Variants in COL22A1 observed in about 807,000 individuals in gnomAD.
COL22A1 encodes the protein collagen alpha-1(XXII) chain.
In COL22A1, 221 loss-of-function variants were observed where a neutral mutation model predicts 248.9. The ratio of observed to expected loss-of-function variants is 0.89; its 90% CI spans 0.80 to 0.99. The LOEUF is 0.99. COL22A1 is among the 50% of genes least tolerant of loss of function. The pLI is 0.00. For synonymous variants in COL22A1, 891 were observed against 793.4 expected, an observed-to-expected ratio of 1.12 and a Z score of -2.07; for missense variants, 2,240 against 2,179.0, an observed-to-expected ratio of 1.03 and a Z score of -0.56.
At chr8:138,737,934 G>C (rs1831248852) in intron 22 of COL22A1, among the ~76,000 whole-genome samples, 1 of 152,000 alleles carries the variant, frequency 6.6e-6, no homozygotes, top group African/African-American at 2.4e-5. Context: ...CTAGATGCTG[G>C]TTAATTTTCC....
At chr8:138,733,900 C>T (rs1830897230) in intron 23 of COL22A1, among the ~76,000 whole-genome samples, 3 of 152,152 alleles carry the variant, frequency 2.0e-5, no homozygotes, top group Admixed American at 2.0e-4. Flanking sequence ...TTCAATCAGG[C>T]CCCTGTGGTG....
intron 47 of COL22A1, among the ~76,000 whole-genome samples, chr8:138,638,317 T>C (rs1255781291): frequency 6.6e-6 from 1 of 152,238 alleles, no homozygotes; most frequent in Non-Finnish European, 1.5e-5. Context: ...ATCTTTGTTG[T>C]GGTTCTATGC....
intron 27 of COL22A1, 29 bp downstream of exon 27, chr8:138,720,710 A>G: frequency 1.3e-6 from 2 of 1,589,840 alleles, no homozygotes; most frequent in South Asian, 2.2e-5. Context: ...AATAGCAAGC[A>G]TAATGGGAAA....
chr8:138,607,715 C>T (rs1459955680), intron 57 of COL22A1, among the ~76,000 whole-genome samples: 2 of 152,124 alleles, frequency 1.3e-5, no homozygotes, highest in African/African-American at 4.8e-5. Flanking sequence ...ACCATAGATG[C>T]CTACGGTTAT....
At chr8:138,811,260 CAT>C (rs772821836) in intron 9 of COL22A1, among the ~76,000 whole-genome samples, 5 of 146,998 alleles carry the variant, frequency 3.4e-5, no homozygotes, top group African/African-American at 1.0e-4. Context: ...CAAAACTCTA[CAT>C]ATATATATAT....
intron 6 of COL22A1, among the ~76,000 whole-genome samples, chr8:138,823,417 CTTTT>C (rs1029894939): frequency 6.6e-6 from 1 of 152,028 alleles, no homozygotes; most frequent in Admixed American, 6.6e-5. Flanking sequence ...GATTTATTGG[CTTTT>C]TTCTTTTTTC....
chr8:138,775,889 C>G, intron 16 of COL22A1, 77 bp downstream of exon 16: 1 of 1,348,920 alleles, frequency 7.4e-7, no homozygotes, highest in Non-Finnish European at 1.1e-6. Flanking sequence ...CGAGCATACA[C>G]AGAGCAGATG....
At chr8:138,612,546 G>A (rs559353338) in intron 56 of COL22A1, among the ~76,000 whole-genome samples, 7 of 152,176 alleles carry the variant, frequency 4.6e-5, no homozygotes, top group African/African-American at 1.7e-4. Context: ...TTGGGAAATT[G>A]GATCATTGTA....
intron 52 of COL22A1, among the ~76,000 whole-genome samples, chr8:138,623,193 A>G (rs1395895568): frequency 1.3e-5 from 2 of 151,450 alleles, no homozygotes; most frequent in Non-Finnish European, 2.9e-5. Flanking sequence ...AACCAAAACC[A>G]AAATGAGAAA....
intron 23 of COL22A1, among the ~76,000 whole-genome samples, chr8:138,731,133 C>T (rs1031261828): frequency 2.0e-5 from 3 of 152,028 alleles, no homozygotes; most frequent in Non-Finnish European, 4.4e-5. Context: ...GAAACCCCAT[C>T]TCTACTAAAA....
At chr8:138,605,280 G>A (rs1388260583) in intron 58 of COL22A1, among the ~76,000 whole-genome samples, 14 of 152,180 alleles carry the variant, frequency 9.2e-5, no homozygotes, top group Non-Finnish European at 1.9e-4. Flanking sequence ...ACTGTGAGGT[G>A]TCAATGTGTT....
At chr8:138,747,586 C>T (rs1168850426) in intron 22 of COL22A1, among the ~76,000 whole-genome samples, 1 of 152,162 alleles carries the variant, frequency 6.6e-6, no homozygotes, top group Admixed American at 6.5e-5. Flanking sequence ...AATGTCCTCA[C>T]CTCTGGAGAG....
chr8:138,639,791 T>C (rs976413432), intron 47 of COL22A1, among the ~76,000 whole-genome samples: 1 of 152,236 alleles, frequency 6.6e-6, no homozygotes, highest in African/African-American at 2.4e-5. Flanking sequence ...AGCAAAGAGA[T>C]AGTATTCCTA....
At chr8:138,738,607 T>A (rs973295537) in intron 22 of COL22A1, among the ~76,000 whole-genome samples, 1 of 152,192 alleles carries the variant, frequency 6.6e-6, no homozygotes, top group African/African-American at 2.4e-5. Flanking sequence ...TCTCATCCCA[T>A]TGACGAGTGT....
intron 3 of COL22A1, among the ~76,000 whole-genome samples, chr8:138,858,933 T>C (rs1822242283): frequency 6.6e-6 from 1 of 151,828 alleles, no homozygotes; most frequent in South Asian, 2.1e-4. Flanking sequence ...GGACAGAAGG[T>C]CAGAAACATG....
intron 1 of COL22A1, among the ~76,000 whole-genome samples, chr8:138,907,808 C>T (rs1349029654): frequency 6.6e-6 from 1 of 152,138 alleles, no homozygotes; most frequent in Non-Finnish European, 1.5e-5. Flanking sequence ...GACCCACAGG[C>T]CAAATTCATC....
At chr8:138,872,288 G>A (rs183294571) in intron 3 of COL22A1, among the ~76,000 whole-genome samples, 1 of 152,136 alleles carries the variant, frequency 6.6e-6, no homozygotes, top group South Asian at 2.1e-4. Flanking sequence ...GGTGGGAGAG[G>A]GGGAGGGGAT....
chr8:138,679,566 C>T, intron 40 of COL22A1, 51 bp downstream of exon 40: 1 of 1,507,542 alleles, frequency 6.6e-7, no homozygotes, highest in Non-Finnish European at 9.2e-7. Flanking sequence ...CTGCCTCTGC[C>T]TGTCTTGTCC....
At chr8:138,789,251 CTATT>C (rs2131575200) in intron 12 of COL22A1, among the ~76,000 whole-genome samples, 1 of 152,354 alleles carries the variant, frequency 6.6e-6, no homozygotes, top group East Asian at 1.9e-4. Context: ...TGCAGCACCT[CTATT>C]TATTCTAACT....
Sources: gnomAD v4.1 joint callset for allele counts (sites outside exome capture counted in the v4.1 genomes callset) on GRCh38, gnomAD v4.1.1 for gene constraint, MANE v1.5 for transcripts, NCBI Gene and HGNC (gene_info 2026-07-23, HGNC 2026-07-21) for gene names.